The following GALNT17 variants were observed in gnomAD, a reference collection of about 807,000 sequenced individuals.
GALNT17 encodes the protein UDP-GalNAc:polypeptide N-acetylgalactosaminyltransferase-like 3.
In GALNT17, 29 loss-of-function variants were observed where a neutral mutation model predicts 63.7. The observed-to-expected ratio is 0.46, with a 90% CI of 0.34 to 0.62. The LOEUF (loss-of-function observed/expected upper bound fraction) is 0.62. Ranked by LOEUF, GALNT17 falls within the 20% of genes least tolerant of loss-of-function variation. The pLI is 0.01. For synonymous variants in GALNT17, 305 were observed against 318.3 expected (o/e 0.96, Z 0.45); for missense variants, 603 against 799.6 (o/e 0.75, Z 2.97).
intron 1 of GALNT17, among the ~76,000 whole-genome samples, chr7:71,318,579 C>T (rs921079877): frequency 5.3e-5 from 8 of 152,022 alleles, no homozygotes; most frequent in African/African-American, 1.4e-4. Context: ...ACCACCACGC[C>T]CAGCTAAGTT....
At chr7:71,222,124 C>T (rs964679325) in intron 1 of GALNT17, among the ~76,000 whole-genome samples, 2 of 151,778 alleles carry the variant, frequency 1.3e-5, no homozygotes, top group African/African-American at 4.8e-5. Context: ...CCAGACTGGA[C>T]TCAAACTCTT....
At chr7:71,577,470 A>G (rs1789557656) in intron 6 of GALNT17, among the ~76,000 whole-genome samples, 1 of 152,178 alleles carries the variant, frequency 6.6e-6, no homozygotes, top group Non-Finnish European at 1.5e-5. Context: ...GTAAGCCATC[A>G]TGGAGGAAAG....
At chr7:71,207,458 T>C (rs1789293870) in intron 1 of GALNT17, among the ~76,000 whole-genome samples, 1 of 152,162 alleles carries the variant, frequency 6.6e-6, no homozygotes, top group African/African-American at 2.4e-5. Flanking sequence ...TCTTTTATAG[T>C]GATGTGGGAG....
chr7:71,370,951 G>A (rs1248403428), intron 2 of GALNT17, among the ~76,000 whole-genome samples: 1 of 152,162 alleles, frequency 6.6e-6, no homozygotes, highest in Admixed American at 6.5e-5. Flanking sequence ...TTGCTCCTGG[G>A]TAGAGACAGA....
intron 1 of GALNT17, among the ~76,000 whole-genome samples, chr7:71,262,970 C>T (rs1790413290): frequency 6.6e-6 from 1 of 152,078 alleles, no homozygotes; most frequent in Non-Finnish European, 1.5e-5. Flanking sequence ...CATGAGACAC[C>T]ACACCCAGCC....
At chr7:71,412,740 C>G (rs1191393580) in intron 3 of GALNT17, among the ~76,000 whole-genome samples, 2 of 152,132 alleles carry the variant, frequency 1.3e-5, no homozygotes, top group East Asian at 3.9e-4. Context: ...TTCTTTTTCT[C>G]TTTTTAAATC....
intron 6 of GALNT17, among the ~76,000 whole-genome samples, chr7:71,624,242 A>G (rs1790338725): frequency 6.6e-6 from 1 of 152,188 alleles, no homozygotes; most frequent in Non-Finnish European, 1.5e-5. Context: ...GGAGCTGTGC[A>G]GCGGCCATTA....
intron 1 of GALNT17, among the ~76,000 whole-genome samples, chr7:71,240,587 T>C (rs928831930): frequency 6.6e-6 from 1 of 152,228 alleles, no homozygotes; most frequent in Non-Finnish European, 1.5e-5. Context: ...TGCATCCAGG[T>C]TGCCGCAAAG....
intron 5 of GALNT17, among the ~76,000 whole-genome samples, chr7:71,526,683 C>A (rs1788630293): frequency 6.6e-6 from 1 of 152,080 alleles, no homozygotes; most frequent in South Asian, 2.1e-4. Context: ...CCACGCCTGA[C>A]TGATTGTTGT....
chr7:71,704,849 A>T (rs1791700316), intron 9 of GALNT17, among the ~76,000 whole-genome samples: 1 of 150,332 alleles, frequency 6.7e-6, no homozygotes, highest in African/African-American at 2.5e-5. Flanking sequence ...ACCTTATACT[A>T]TACAGAAAAA....
intron 2 of GALNT17, among the ~76,000 whole-genome samples, chr7:71,337,820 A>G (rs1029457994): frequency 4.6e-5 from 7 of 151,586 alleles, no homozygotes; most frequent in Non-Finnish European, 7.4e-5. Context: ...GTGAGCCGAG[A>G]TCACACCATT....
intron 6 of GALNT17, among the ~76,000 whole-genome samples, chr7:71,655,363 A>G (rs571987547): frequency 6.6e-5 from 10 of 152,306 alleles, no homozygotes; most frequent in Admixed American, 3.9e-4. Context: ...TTCAGATCTG[A>G]TCGGGTAGTG....
At chr7:71,160,547 C>T (rs1340965455) in intron 1 of GALNT17, among the ~76,000 whole-genome samples, 1 of 152,130 alleles carries the variant, frequency 6.6e-6, no homozygotes, top group Non-Finnish European at 1.5e-5. Flanking sequence ...CAAACTCTGC[C>T]TCCTGGGTTC....
At chr7:71,621,699 T>A (rs1790298255) in intron 6 of GALNT17, among the ~76,000 whole-genome samples, 1 of 152,206 alleles carries the variant, frequency 6.6e-6, no homozygotes, top group Admixed American at 6.5e-5. Context: ...GATAAAAATA[T>A]TTTTTTCTTC....
At chr7:71,641,053 A>G (rs1790596246) in intron 6 of GALNT17, among the ~76,000 whole-genome samples, 1 of 152,144 alleles carries the variant, frequency 6.6e-6, no homozygotes, top group Non-Finnish European at 1.5e-5. Flanking sequence ...ATAGACATGG[A>G]TGTTTATCAG....
At chr7:71,627,767 C>T (rs181946392) in intron 6 of GALNT17, among the ~76,000 whole-genome samples, 8 of 152,236 alleles carry the variant, frequency 5.3e-5, no homozygotes, top group Non-Finnish European at 8.8e-5. Context: ...TATATTGCAA[C>T]GCTCCGACTC....
intron 5 of GALNT17, among the ~76,000 whole-genome samples, chr7:71,532,475 C>T (rs553673478): frequency 1.1e-4 from 16 of 152,282 alleles, no homozygotes; most frequent in Non-Finnish European, 1.9e-4. Context: ...GATATCATCA[C>T]TTTCTGGGCT....
intron 6 of GALNT17, among the ~76,000 whole-genome samples, chr7:71,656,441 GC>G (rs1387948237): frequency 1.3e-5 from 2 of 152,114 alleles, no homozygotes; most frequent in Non-Finnish European, 2.9e-5. Flanking sequence ...GAGGGGAGCT[GC>G]AGAGATGAGG....
At chr7:71,374,367 T>C (rs1373715853) in intron 2 of GALNT17, among the ~76,000 whole-genome samples, 2 of 152,248 alleles carry the variant, frequency 1.3e-5, no homozygotes, top group East Asian at 3.8e-4. Flanking sequence ...GGTTCCAGCA[T>C]AGCAGCCAGA....
Sources: allele counts gnomAD v4.1 joint callset (sites outside exome capture counted in the v4.1 genomes callset), GRCh38; gene constraint gnomAD v4.1.1; transcripts MANE v1.5; gene names NCBI Gene and HGNC (gene_info 2026-07-23, HGNC 2026-07-21).